Variants in DLGAP2 observed in about 807,000 individuals in gnomAD.
The protein encoded by DLGAP2 is disks large-associated protein 2.
A neutral mutation model predicts 100.3 loss-of-function variants in DLGAP2; 26 were observed. That is an observed-to-expected ratio of 0.26 (90% CI 0.19 to 0.36). The LOEUF (loss-of-function observed/expected upper bound fraction) is 0.36. DLGAP2 is among the 10% of genes least tolerant of loss of function. The pLI is 1.00. For missense variants in DLGAP2, 1,858 were observed against 1,453.2 expected, an observed-to-expected ratio of 1.28 and a Z score of -4.53; for synonymous variants, 886 against 630.1, an observed-to-expected ratio of 1.41 and a Z score of -6.08.
chr8:1,290,141 A>T (rs1800025816), intron 3 of DLGAP2, among the ~76,000 whole-genome samples: 1 of 152,198 alleles, frequency 6.6e-6, no homozygotes, highest in Non-Finnish European at 1.5e-5. Flanking sequence ...TGACTCTATT[A>T]CATAACGTGT....
At chr8:1,528,200 G>C (rs560222254) in intron 4 of DLGAP2, among the ~76,000 whole-genome samples, 54 of 152,306 alleles carry the variant, frequency 3.5e-4, no homozygotes, top group African/African-American at 1.3e-3. Context: ...TGCTGGAACA[G>C]CTGCCCCGAG....
At chr8:1,049,553 G>A (rs185337118) in intron 2 of DLGAP2, among the ~76,000 whole-genome samples, 2 of 152,202 alleles carry the variant, frequency 1.3e-5, no homozygotes, top group East Asian at 1.9e-4. Context: ...TGTTATAAAA[G>A]GTAGGGCGTA....
chr8:1,414,038 A>T (rs1796808322), intron 3 of DLGAP2, among the ~76,000 whole-genome samples: 1 of 152,232 alleles, frequency 6.6e-6, no homozygotes, highest in Non-Finnish European at 1.5e-5. Context: ...ACACTTAGTG[A>T]CATGCCTAGG....
intron 2 of DLGAP2, among the ~76,000 whole-genome samples, chr8:1,046,738 A>G (rs1203616200): frequency 6.6e-6 from 1 of 152,208 alleles, no homozygotes; most frequent in African/African-American, 2.4e-5. Context: ...CAAATATAGT[A>G]TGATCTCTCT....
At position 1,315,945 on chromosome 8, in the gene DLGAP2, A is replaced by G. The variant is rs35678775; in HGVS notation, c.106+57062A>G. Among the ~76,000 whole-genome samples, 36 of 134,012 alleles carry G rather than the reference A, an allele frequency of 2.7e-4. 2 individuals are homozygous for G. The East Asian group carries it at 5.3e-3, about 20-fold the overall frequency. The allele number at this position is 134,012 out of a possible 152,430, so 87.9% of individuals were successfully genotyped here. On this transcript the variant is annotated intron_variant, in intron 3 of 14. Transcript: ENST00000637795. ...TGTGCGAGTGCAGCCTCTCTCCAAC[A>G]GTGGTCTACACTCGAGAAACTTCGC...
At chr8:1,371,187 A>G (rs945626740) in intron 3 of DLGAP2, among the ~76,000 whole-genome samples, 8 of 152,194 alleles carry the variant, frequency 5.3e-5, no homozygotes, top group Non-Finnish European at 8.8e-5. Context: ...TCCGTCCTGT[A>G]TGCATTAACA....
At chr8:821,388 A>C (rs1480753914) in intron 1 of DLGAP2, among the ~76,000 whole-genome samples, 1 of 152,194 alleles carries the variant, frequency 6.6e-6, no homozygotes, top group East Asian at 1.9e-4. Context: ...TTCCAGTGTA[A>C]CTTTATCAAC....
intron 3 of DLGAP2, among the ~76,000 whole-genome samples, chr8:1,266,326 C>G (rs1049099006): frequency 3.9e-5 from 6 of 152,226 alleles, no homozygotes; most frequent in African/African-American, 9.6e-5. Context: ...CAGGACGCTT[C>G]TGGTTTCCAG....
intron 2 of DLGAP2, among the ~76,000 whole-genome samples, chr8:1,104,015 A>G (rs905599683): frequency 6.6e-6 from 1 of 152,212 alleles, no homozygotes; most frequent in East Asian, 1.9e-4. Flanking sequence ...TCACAAGAAC[A>G]CAAAGCGCTT....
intron 6 of DLGAP2, among the ~76,000 whole-genome samples, chr8:1,595,056 T>C (rs1341946444): frequency 1.3e-5 from 2 of 152,034 alleles, no homozygotes; most frequent in African/African-American, 2.4e-5. Context: ...TTTTTTTCTT[T>C]TTTGAGACAA....
intron 2 of DLGAP2, among the ~76,000 whole-genome samples, chr8:1,227,096 G>A (rs572407064): frequency 9.1e-5 from 12 of 131,962 alleles, no homozygotes; most frequent in African/African-American, 2.6e-4. Context: ...CACAATAGCC[G>A]AGATACAGAA....
At chr8:1,028,051 A>T (rs1222824010) in intron 2 of DLGAP2, among the ~76,000 whole-genome samples, 1 of 79,386 alleles carries the variant, frequency 1.3e-5, no homozygotes, top group Non-Finnish European at 2.5e-5. Context: ...CTCGGTGCCC[A>T]TTATTCTCCA....
intron 2 of DLGAP2, among the ~76,000 whole-genome samples, chr8:1,215,200 C>G (rs1041798114): frequency 6.6e-6 from 1 of 152,140 alleles, no homozygotes; most frequent in Non-Finnish European, 1.5e-5. Flanking sequence ...TAAACGAAAT[C>G]CCAAATATCA....
At chr8:1,314,178 G>A (rs1800675204) in intron 3 of DLGAP2, among the ~76,000 whole-genome samples, 1 of 152,100 alleles carries the variant, frequency 6.6e-6, no homozygotes, top group Non-Finnish European at 1.5e-5. Flanking sequence ...AGAAACACAC[G>A]TTTATTTGCT....
chr8:1,231,126 A>G (rs1798526095), intron 2 of DLGAP2, among the ~76,000 whole-genome samples: 1 of 152,210 alleles, frequency 6.6e-6, no homozygotes. Flanking sequence ...AATCTATAAG[A>G]AACTTAACAG....
chr8:1,555,803 A>G lies in DLGAP2; in HGVS notation c.1230+6120A>G, dbSNP rs149729528. Among the ~76,000 whole-genome samples, 115 of 152,322 alleles carry G rather than the reference A, an allele frequency of 7.5e-4. 1 individual carries two copies. In the Middle Eastern group the frequency reaches 0.01, roughly 14 times the overall value. Reference sequence around the variant, plus strand: ...TATCCCCATGACGGAAATTCCAGCAATGTTTGTTGAAATGCTGATGGATGT... The same window carrying G: ...TATCCCCATGACGGAAATTCCAGCAGTGTTTGTTGAAATGCTGATGGATGT... On this transcript the variant is annotated intron_variant, in intron 5 of 14. Coordinates refer to ENST00000637795, the MANE Select transcript of DLGAP2 (RefSeq NM_001346810.2).
chr8:1,187,330 G>T (rs1253089577), intron 2 of DLGAP2, among the ~76,000 whole-genome samples: 1 of 135,752 alleles, frequency 7.4e-6, no homozygotes, highest in East Asian at 2.3e-4. Flanking sequence ...TCCCTCACAC[G>T]CCCAGGACCT....
intron 3 of DLGAP2, among the ~76,000 whole-genome samples, chr8:1,311,576 T>C (rs192309681): frequency 5.5e-4 from 84 of 152,334 alleles, no homozygotes; most frequent in Admixed American, 1.6e-3. Flanking sequence ...AGGTTTAGAC[T>C]TGTCATCAGG....
intron 3 of DLGAP2, chr8:1,301,415 T>C (rs1433716009): frequency 1.3e-5 from 2 of 151,896 alleles, no homozygotes; most frequent in South Asian, 2.1e-4. Flanking sequence ...TGATGGGCTT[T>C]GAGATTTAGA....
Sources: gnomAD v4.1 joint callset for allele counts (sites outside exome capture counted in the v4.1 genomes callset) on GRCh38, gnomAD v4.1.1 for gene constraint, MANE v1.5 for transcripts, NCBI Gene and HGNC (gene_info 2026-07-23, HGNC 2026-07-21) for gene names.